The following NDE1 variants were observed in gnomAD, a reference collection of about 807,000 sequenced individuals.
NDE1 encodes nudE neurodevelopment protein 1.
NDE1 carries 28 observed loss-of-function variants against 43.4 expected under a neutral mutation model. The ratio of observed to expected loss-of-function variants is 0.65; its 90% confidence interval spans 0.48 to 0.89. NDE1 has a LOEUF of 0.89. Among genes scored for constraint, NDE1 ranks in the 40% least tolerant of loss-of-function variants. The pLI, the probability that NDE1 is intolerant of heterozygous loss-of-function variation, is 0.00. For missense variants in NDE1, 441 were observed against 434.1 expected, an observed-to-expected ratio of 1.02 and a Z score of -0.14; for synonymous variants, 184 against 172.0, an observed-to-expected ratio of 1.07 and a Z score of -0.55.
chr16:15,715,526 C>T lies in NDE1; in HGVS notation c.948-8665C>T, dbSNP rs756547180. On this transcript the variant is annotated intron_variant, in intron 8 of 8. Coordinates refer to ENST00000396354, the MANE Select transcript of NDE1 (RefSeq NM_017668.3). ...TAGCAGACAACATAGTGTGTGATTC[C>T]GTTGATATCAAGTGTCCAGAATAGA... Among the ~76,000 whole-genome samples, 7 of 152,174 alleles carry T rather than the reference C, an allele frequency of 4.6e-5. 1 individual carries two copies. Among genetic ancestry groups the T allele is most frequent in the East Asian group, 3.9e-4 (2 of 5,194 alleles).
chr16:15,666,087 G>T (rs1467256274), intron 2 of NDE1, among the ~76,000 whole-genome samples: 3 of 152,034 alleles, frequency 2.0e-5, no homozygotes, highest in African/African-American at 7.2e-5. Flanking sequence ...GTTTTTATCA[G>T]TTCCTAGATG....
chr16:15,722,520 G>T (rs75885182), intron 8 of NDE1, among the ~76,000 whole-genome samples: 2 of 152,144 alleles, frequency 1.3e-5, no homozygotes, highest in Non-Finnish European at 2.9e-5. Context: ...CCCACACTAT[G>T]TGTGCCACTG....
At position 15,724,598 on chromosome 16, in the gene NDE1, A is replaced by G. The variant is rs777083800; in HGVS notation, c.*347A>G. On this transcript the variant is annotated 3_prime_UTR_variant, in exon 9 of 9. Transcript: ENST00000396354. Reference sequence around the variant, plus strand: ...ATCTGCCTGCGGGGGATCTCAGCGCAGAGAAGTTGAGAGGACCCATGAAGG... The same window carrying G: ...ATCTGCCTGCGGGGGATCTCAGCGCGGAGAAGTTGAGAGGACCCATGAAGG... The G allele has an allele frequency of 6.2e-7, 1 of 1,612,594 alleles. No individual in the cohort carries two copies. The highest frequency in any genetic ancestry group is 1.1e-5 in the South Asian group (1 of 91,004).
chr16:15,716,523 T>G (rs2040154603), intron 8 of NDE1, among the ~76,000 whole-genome samples: 1 of 151,814 alleles, frequency 6.6e-6, no homozygotes, highest in South Asian at 2.1e-4. Context: ...GGGTTTTTTT[T>G]GTGTGTGTGT....
At chr16:15,657,894 G>A (rs1052297946) in intron 1 of NDE1, among the ~76,000 whole-genome samples, 3 of 152,246 alleles carry the variant, frequency 2.0e-5, no homozygotes, top group African/African-American at 2.4e-5. Flanking sequence ...GAGCCATTGC[G>A]CCAGGCACCA....
chr16:15,724,403 C>A lies in NDE1; in HGVS notation c.*152C>A. On this transcript the variant is annotated 3_prime_UTR_variant, in exon 9 of 9. Transcript: ENST00000396354. Reference sequence around the variant, plus strand: ...AAGTCCTGCAGCTTCTTCTTCGAGTCGGAGAGCTACAAGGACAGCGTCCAG... The same window carrying A: ...AAGTCCTGCAGCTTCTTCTTCGAGTAGGAGAGCTACAAGGACAGCGTCCAG... The A allele has an allele frequency of 6.2e-7, 1 of 1,613,784 alleles. No homozygotes were observed. Among genetic ancestry groups the A allele is most frequent in the South Asian group, 1.1e-5 (1 of 91,038 alleles).
Position 15,694,172 on chromosome 16 carries a change from C to A in NDE1, c.711C>A (p.Asp237Glu). Residue 237 changes from aspartate (D) to glutamate (E), a missense_variant, in exon 7 of 9, where the codon GAC (aspartate) becomes GAA (glutamate). Asp to Glu is a conservative substitution (Grantham distance 45, BLOSUM62 2). Transcript: ENST00000396354. ...NTPGSFRRGL[D>E]DSTGGTPLTP... ...TTCCCTTTGCACACCCAGGCCTGGA[C>A]GACTCCACCGGGGGGACCCCCCTCA... 1 of 1,612,606 alleles carries A rather than the reference C, an allele frequency of 6.2e-7. No individual in the cohort carries two copies. Among genetic ancestry groups the A allele is most frequent in the East Asian group, 2.2e-5 (1 of 44,862 alleles).
At chr16:15,723,293 G>A (rs1485667262) in intron 8 of NDE1, among the ~76,000 whole-genome samples, 2 of 152,130 alleles carry the variant, frequency 1.3e-5, no homozygotes, top group Non-Finnish European at 1.5e-5. Flanking sequence ...ACTGACATCT[G>A]TAATTTGCTC....
Position 15,696,726 on chromosome 16 carries a change from C to T in NDE1, c.813C>T (p.Leu271=), listed in dbSNP as rs534864382. The change falls in exon 8 of 9, where the codon CTC becomes CTT. Residue 271 remains leucine, a synonymous_variant. Coordinates refer to ENST00000396354, the MANE Select transcript of NDE1 (RefSeq NM_017668.3). ...CTGTCCAGGCACTGGAGTCCAAACT[C>T]GCTTCCTGCCGGAACCTCGTGTACG... The part of the protein sequence containing the change: ...LRKVGALESK[L]ASCRNLVYDQ... 1.1e-5 allele frequency: 17 copies of T among 1,614,204 alleles called. No individual in the cohort carries two copies. In the African/African-American group the frequency reaches 1.9e-4, roughly 18 times the overall value.
intron 8 of NDE1, chr16:15,700,489 T>C (rs1414591501): frequency 6.6e-6 from 1 of 151,344 alleles, no homozygotes. Flanking sequence ...TTGCCCTGTC[T>C]TGTCCAGGCT....
At position 15,667,379 on chromosome 16, in the gene NDE1, C is replaced by T. The variant is rs925775558; in HGVS notation, c.177C>T (p.Thr59=). 2.5e-6 allele frequency: 4 copies of T among 1,613,874 alleles called. No individual in the cohort carries two copies. Among genetic ancestry groups the T allele is most frequent in the Non-Finnish European group, 3.4e-6 (4 of 1,179,984 alleles). Residue 59 remains threonine, a synonymous_variant, in exon 3 of 9, where the codon ACC becomes ACT. Transcript: ENST00000396354. ...ELETQLQQIE[T]RNRDLLSENN... ...AGACGCAGCTGCAACAAATTGAAAC[C>T]AGGAACAGAGACCTCCTGTCCGAAA...
intron 1 of NDE1, among the ~76,000 whole-genome samples, chr16:15,653,831 G>A (rs921033442): frequency 2.0e-5 from 3 of 151,622 alleles, no homozygotes; most frequent in African/African-American, 7.3e-5. Flanking sequence ...ATGCTCAAGT[G>A]ATCCTCCCAC....
chr16:15,712,755 A>G (rs1299778583), intron 8 of NDE1: 1 of 151,746 alleles, frequency 6.6e-6, no homozygotes, highest in East Asian at 2.0e-4. Flanking sequence ...ATTAGGCCAG[A>G]GGCATGATGG....
At chr16:15,714,883 GTCCTCCCGGGCCACGGGC>G in intron 8 of NDE1, 1 of 1,612,310 alleles carries the variant, frequency 6.2e-7, no homozygotes, top group Non-Finnish European at 8.5e-7. Context: ...GAGAGACGGG[GTCCTCCCGGGCCACGGGC>G]TCCTCACCTG....
intron 8 of NDE1, chr16:15,703,989 G>A (rs780448164): frequency 5.6e-6 from 9 of 1,613,996 alleles, no homozygotes; most frequent in South Asian, 2.2e-5. Flanking sequence ...GTAGAAAGTT[G>A]CTTATTCACT....
chr16:15,712,345 G>A (rs930510371), intron 8 of NDE1, among the ~76,000 whole-genome samples: 6 of 152,114 alleles, frequency 3.9e-5, no homozygotes, highest in African/African-American at 4.8e-5. Flanking sequence ...CTCACCTAGC[G>A]CTGGGGAGAG....
chr16:15,643,507 CT>C, exon 1 of NDE1: 1 of 384,594 alleles, frequency 2.6e-6, no homozygotes, highest in South Asian at 2.0e-5. Context: ...GAATTCAGCT[CT>C]TTCAGGCTTT....
chr16:15,659,242 G>A (rs150901736), intron 1 of NDE1, among the ~76,000 whole-genome samples: 54 of 152,176 alleles, frequency 3.5e-4, no homozygotes, highest in African/African-American at 1.2e-3. Flanking sequence ...TCCACCAGAA[G>A]TTAGTGGTGG....
chr16:15,708,897 G>A (rs978586972), intron 8 of NDE1: 2 of 1,507,520 alleles, frequency 1.3e-6, no homozygotes, highest in African/African-American at 1.4e-5. Flanking sequence ...AAGGAGCCCG[G>A]TTAAGTATAT....
Sources: gnomAD v4.1 joint callset for allele counts (sites outside exome capture counted in the v4.1 genomes callset) on GRCh38, gnomAD v4.1.1 for gene constraint, MANE v1.5 for transcripts, NCBI Gene and HGNC (gene_info 2026-07-23, HGNC 2026-07-21) for gene names.